Variants in FAT3 observed in about 807,000 individuals in gnomAD.
FAT3 encodes protocadherin Fat 3.
FAT3 carries 95 observed loss-of-function variants against 310.2 expected under a neutral mutation model. The observed-to-expected ratio is 0.31, with a 90% CI of 0.26 to 0.36. The LOEUF (loss-of-function observed/expected upper bound fraction) is 0.36, where lower values mean the gene tolerates loss of function less well. Ranked by LOEUF, FAT3 falls within the 10% of genes least tolerant of loss-of-function variation. FAT3 has a pLI of 1.00. For missense variants in FAT3, 5,408 were observed against 5,715.6 expected (o/e 0.95, Z 1.74); for synonymous variants, 2,314 against 2,192.9 (o/e 1.06, Z -1.54).
chr11:92,687,202 C>G (rs1943659303), intron 3 of FAT3, among the ~76,000 whole-genome samples: 1 of 152,088 alleles, frequency 6.6e-6, no homozygotes, highest in African/African-American at 2.4e-5. Context: ...AGCCACTGTG[C>G]CAAGCACCTC....
chr11:92,805,044 T>A, intron 10 of FAT3, 109 bp from the exon 11 acceptor site: 1 of 1,027,810 alleles, frequency 9.7e-7, no homozygotes, highest in Non-Finnish European at 1.4e-6. Context: ...TCCTAAATGA[T>A]ACAGTTTAAG....
intron 3 of FAT3, among the ~76,000 whole-genome samples, chr11:92,568,035 A>C (rs1955531061): frequency 6.6e-6 from 1 of 152,006 alleles, no homozygotes; most frequent in African/African-American, 2.4e-5. Flanking sequence ...AAAACTTAAA[A>C]GTATAATAAT....
chr11:92,273,379 C>A (rs1343710737), intron 1 of FAT3, among the ~76,000 whole-genome samples: 4 of 152,000 alleles, frequency 2.6e-5, no homozygotes, highest in Non-Finnish European at 5.9e-5. Flanking sequence ...TTTCTAGATT[C>A]TGTAACATTC....
At chr11:92,251,088 C>T (rs2134277863) in intron 1 of FAT3, among the ~76,000 whole-genome samples, 1 of 152,222 alleles carries the variant, frequency 6.6e-6, no homozygotes, top group East Asian at 1.9e-4. Flanking sequence ...GAAAAGTTCC[C>T]TTTAAGCCAG....
At chr11:92,849,844 A>C (rs1948775680) in intron 19 of FAT3, among the ~76,000 whole-genome samples, 1 of 152,154 alleles carries the variant, frequency 6.6e-6, no homozygotes, top group Non-Finnish European at 1.5e-5. Context: ...AAAGAGGCTG[A>C]TGTGATCCCC....
chr11:92,868,842 T>G (rs1949312434), intron 22 of FAT3, among the ~76,000 whole-genome samples: 1 of 152,244 alleles, frequency 6.6e-6, no homozygotes, highest in Non-Finnish European at 1.5e-5. Flanking sequence ...TGGAACTATG[T>G]TAATTAAATG....
intron 3 of FAT3, among the ~76,000 whole-genome samples, chr11:92,583,949 A>C (rs1938987935): frequency 6.6e-6 from 1 of 152,014 alleles, no homozygotes; most frequent in South Asian, 2.1e-4. Context: ...TTTTGGTACT[A>C]AACGAAGAGA....
At chr11:92,628,798 G>A (rs535489133) in intron 3 of FAT3, among the ~76,000 whole-genome samples, 15 of 152,314 alleles carry the variant, frequency 9.8e-5, no homozygotes, top group African/African-American at 3.6e-4. Flanking sequence ...ATGATGTCAT[G>A]TGTGGGGAGC....
At chr11:92,346,831 A>G (rs1565243045) in intron 1 of FAT3, among the ~76,000 whole-genome samples, 1 of 152,166 alleles carries the variant, frequency 6.6e-6, no homozygotes, top group Non-Finnish European at 1.5e-5. Flanking sequence ...TGCTTTTAGT[A>G]AAGAAAGGAC....
chr11:92,268,534 A>G (rs1317088770), intron 1 of FAT3, among the ~76,000 whole-genome samples: 1 of 152,020 alleles, frequency 6.6e-6, no homozygotes, highest in Non-Finnish European at 1.5e-5. Flanking sequence ...TTCAAAATTA[A>G]CCCCCAACCT....
At chr11:92,521,173 G>A (rs371002832) in intron 2 of FAT3, among the ~76,000 whole-genome samples, 10 of 152,250 alleles carry the variant, frequency 6.6e-5, no homozygotes, top group African/African-American at 2.4e-4. Context: ...ACACACATAC[G>A]TGGAAATGTA....
rs190160554 is a variant in FAT3 at position 92,536,392 on chromosome 11, G to A, written c.3607+11444G>A. Among the ~76,000 whole-genome samples, 285 of 152,236 alleles carry A rather than the reference G, an allele frequency of 1.9e-3. 1 individual carries two copies. The highest frequency in any genetic ancestry group is 2.7e-3 in the East Asian group (14 of 5,166). On this transcript the variant is annotated intron_variant, in intron 3 of 27. Coordinates refer to ENST00000525166, the MANE Select transcript of FAT3 (RefSeq NM_001367949.2). ...GTAGTAATCATGAGCTTGGACATGA[G>A]AAATAAATGTCTTTGCATTTTGATC...
At chr11:92,303,477 T>C (rs1231323238) in intron 1 of FAT3, among the ~76,000 whole-genome samples, 1 of 152,072 alleles carries the variant, frequency 6.6e-6, no homozygotes, top group East Asian at 1.9e-4. Flanking sequence ...AAGTACAACC[T>C]AGATATGTAA....
intron 2 of FAT3, among the ~76,000 whole-genome samples, chr11:92,488,565 C>T (rs899698204): frequency 2.0e-5 from 3 of 149,346 alleles, no homozygotes; most frequent in Non-Finnish European, 4.4e-5. Context: ...CCAGGGACCG[C>T]ACTTTAAGAA....
intron 7 of FAT3, among the ~76,000 whole-genome samples, chr11:92,787,120 G>A (rs1946915677): frequency 6.6e-6 from 1 of 152,056 alleles, no homozygotes; most frequent in Non-Finnish European, 1.5e-5. Context: ...ACTACTAAAT[G>A]TCCCCCGGAA....
intron 3 of FAT3, among the ~76,000 whole-genome samples, chr11:92,671,216 C>T (rs1259168724): frequency 6.6e-6 from 1 of 151,620 alleles, no homozygotes. Context: ...AGCTAATTTT[C>T]GTATTTTTAG....
At chr11:92,467,194 C>G (rs1318946331) in intron 2 of FAT3, among the ~76,000 whole-genome samples, 3 of 152,080 alleles carry the variant, frequency 2.0e-5, no homozygotes, top group East Asian at 1.9e-4. Flanking sequence ...TACAGTCCCA[C>G]CAACAGTGTA....
intron 13 of FAT3, among the ~76,000 whole-genome samples, chr11:92,828,938 C>T (rs895923435): frequency 2.0e-5 from 3 of 152,190 alleles, no homozygotes; most frequent in Non-Finnish European, 4.4e-5. Context: ...CACAGGCATC[C>T]ATTAAAAGCA....
intron 2 of FAT3, among the ~76,000 whole-genome samples, chr11:92,477,939 G>C (rs1246155192): frequency 6.6e-6 from 1 of 152,198 alleles, no homozygotes; most frequent in African/African-American, 2.4e-5. Context: ...TTAGAAGTCA[G>C]TAATACTGTC....
Sources: gnomAD v4.1 joint callset for allele counts (sites outside exome capture counted in the v4.1 genomes callset) on GRCh38, gnomAD v4.1.1 for gene constraint, MANE v1.5 for transcripts, NCBI Gene and HGNC (gene_info 2026-07-23, HGNC 2026-07-21) for gene names.